Variants in CSMD1 observed in about 807,000 individuals in gnomAD.
CSMD1 encodes CUB and Sushi multiple domains 1.
A neutral mutation model predicts 417.5 loss-of-function variants in CSMD1; 213 were observed. The observed-to-expected ratio is 0.51, with a 90% CI of 0.46 to 0.57. The LOEUF is 0.57. Ranked by LOEUF, CSMD1 falls within the 20% of genes least tolerant of loss-of-function variation. The pLI is 0.00. For missense variants in CSMD1, 6,923 were observed against 4,529.7 expected, an observed-to-expected ratio of 1.53 and a Z score of -15.17; for synonymous variants, 2,862 against 1,736.8, an observed-to-expected ratio of 1.65 and a Z score of -16.11.
chr8:3,184,061 C>T (rs114143590), intron 36 of CSMD1, among the ~76,000 whole-genome samples: 1 of 152,144 alleles, frequency 6.6e-6, no homozygotes. Flanking sequence ...TTTCACACTC[C>T]TTGATTTGGC....
chr8:3,797,082 TCTC>T (rs919529031), intron 5 of CSMD1, among the ~76,000 whole-genome samples: 3 of 151,830 alleles, frequency 2.0e-5, no homozygotes, highest in African/African-American at 7.2e-5. Context: ...AAGATGGACT[TCTC>T]CTTTAATGGG....
intron 7 of CSMD1, among the ~76,000 whole-genome samples, chr8:3,662,000 C>G (rs781339138): frequency 2.0e-5 from 3 of 152,020 alleles, no homozygotes; most frequent in African/African-American, 7.3e-5. Flanking sequence ...GCTACGCAGA[C>G]CTTGATGGAA....
At chr8:3,841,596 G>C (rs890733267) in intron 5 of CSMD1, among the ~76,000 whole-genome samples, 3 of 151,892 alleles carry the variant, frequency 2.0e-5, no homozygotes, top group Non-Finnish European at 4.4e-5. Context: ...ATTAGCACTA[G>C]AAAGGATTTT....
intron 10 of CSMD1, among the ~76,000 whole-genome samples, chr8:3,515,782 A>G (rs1394233359): frequency 6.6e-6 from 1 of 152,232 alleles, no homozygotes; most frequent in African/African-American, 2.4e-5. Flanking sequence ...CTTTCTGAAC[A>G]TGTAGGAAGT....
intron 41 of CSMD1, among the ~76,000 whole-genome samples, chr8:3,124,202 A>T (rs1485204730): frequency 6.6e-6 from 1 of 152,088 alleles, no homozygotes. Context: ...TTATTCATTT[A>T]TTGAGTGAAA....
At chr8:4,757,027 T>G (rs978227750) in intron 1 of CSMD1, among the ~76,000 whole-genome samples, 3 of 152,168 alleles carry the variant, frequency 2.0e-5, no homozygotes, top group Non-Finnish European at 4.4e-5. Flanking sequence ...ACTGTTCTTA[T>G]ACAATATGCA....
intron 26 of CSMD1, among the ~76,000 whole-genome samples, chr8:3,234,329 C>A (rs1197796170): frequency 6.6e-6 from 1 of 152,188 alleles, no homozygotes; most frequent in African/African-American, 2.4e-5. Flanking sequence ...TTTTCAGAGT[C>A]CTCACTGTAA....
chr8:4,294,702 T>G (rs1349625576), intron 3 of CSMD1, among the ~76,000 whole-genome samples: 1 of 152,180 alleles, frequency 6.6e-6, no homozygotes, highest in South Asian at 2.1e-4. Flanking sequence ...CCATCTATTT[T>G]AGCTTCTCTT....
At chr8:3,923,463 G>A (rs1809423614) in intron 5 of CSMD1, among the ~76,000 whole-genome samples, 1 of 151,958 alleles carries the variant, frequency 6.6e-6, no homozygotes. Flanking sequence ...TATCTGCATT[G>A]CCATTTATGT....
At chr8:3,916,574 T>C (rs1175712556) in intron 5 of CSMD1, among the ~76,000 whole-genome samples, 1 of 152,142 alleles carries the variant, frequency 6.6e-6, no homozygotes, top group Non-Finnish European at 1.5e-5. Context: ...TATGATTGTA[T>C]GAACATTATG....
Position 4,664,437 on chromosome 8 carries a change from G to A in CSMD1, c.86-26879C>T, listed in dbSNP as rs181783228. 1.2e-3 allele frequency among the ~76,000 whole-genome samples: 180 copies of A among 152,198 alleles called. 1 individual carries two copies. The highest frequency in any genetic ancestry group is 4.1e-3 in the African/African-American group (170 of 41,540). On this transcript the variant is annotated intron_variant, in intron 1 of 69. Transcript: ENST00000635120. ...TGAATGTTCCTGGTAGTTCCCGCCTGTGGTCTCAGCTACTCCAGAGGCTAA... is the reference window on the plus strand; with the variant it reads ...TGAATGTTCCTGGTAGTTCCCGCCTATGGTCTCAGCTACTCCAGAGGCTAA...
intron 3 of CSMD1, among the ~76,000 whole-genome samples, chr8:4,045,024 T>C (rs952792025): frequency 6.6e-6 from 1 of 152,224 alleles, no homozygotes; most frequent in East Asian, 1.9e-4. Context: ...TGCCTGAATC[T>C]TCCAGTTTTA....
chr8:3,323,894 C>T (rs201194359), intron 23 of CSMD1, among the ~76,000 whole-genome samples: 2 of 138,114 alleles, frequency 1.4e-5, no homozygotes, highest in East Asian at 2.8e-4. Flanking sequence ...GTTTCCTTCA[C>T]CCCACCTTTC....
intron 1 of CSMD1, among the ~76,000 whole-genome samples, chr8:4,805,238 T>A (rs189034377): frequency 6.6e-6 from 1 of 152,344 alleles, no homozygotes. Flanking sequence ...CAAGAATATA[T>A]GTATTGCACC....
intron 3 of CSMD1, among the ~76,000 whole-genome samples, chr8:4,046,849 C>G (rs1318919570): frequency 1.3e-5 from 2 of 152,100 alleles, no homozygotes; most frequent in African/African-American, 2.4e-5. Flanking sequence ...TATTATTTCC[C>G]TGAATTCTTC....
At chr8:4,475,932 G>A (rs550948318) in intron 2 of CSMD1, among the ~76,000 whole-genome samples, 109 of 152,096 alleles carry the variant, frequency 7.2e-4, no homozygotes, top group Non-Finnish European at 1.4e-3. Flanking sequence ...TACTTTGTTG[G>A]TGTTATTGCT....
In CSMD1 at chr8:3,532,129, C is replaced by G. The variant is rs1188907410; in HGVS notation, c.1345-38403G>C. ...ATGGCAACATTTTTTTTCTGGGACT[C>G]CTCTCTGGAGTAGAAAGGTGTTCGC... On this transcript the variant is annotated intron_variant, in intron 10 of 69. Transcript: ENST00000635120. Among the ~76,000 whole-genome samples the G allele has an allele frequency of 2.0e-5, 3 of 152,112 alleles. No homozygotes were observed. In the South Asian group the frequency reaches 6.2e-4, roughly 32 times the overall value.
At chr8:4,590,950 T>G (rs866913799) in intron 2 of CSMD1, among the ~76,000 whole-genome samples, 2 of 152,222 alleles carry the variant, frequency 1.3e-5, no homozygotes, top group Non-Finnish European at 2.9e-5. Flanking sequence ...AGTTGGTGAT[T>G]AAAACACACC....
intron 1 of CSMD1, among the ~76,000 whole-genome samples, chr8:4,976,774 G>A (rs1810585825): frequency 1.3e-5 from 2 of 152,104 alleles, no homozygotes; most frequent in African/African-American, 2.4e-5. Context: ...AATGTGATAT[G>A]GTAGGTATAT....
Sources: allele counts gnomAD v4.1 joint callset (sites outside exome capture counted in the v4.1 genomes callset), GRCh38; gene constraint gnomAD v4.1.1; transcripts MANE v1.5; gene names NCBI Gene and HGNC (gene_info 2026-07-23, HGNC 2026-07-21).